Variants in PMM1 observed in about 807,000 individuals in gnomAD.
The protein encoded by PMM1 is phosphomannomutase 1, also known as brain glucose-1,6-bisphosphatase.
PMM1 carries 25 observed loss-of-function variants against 34.0 expected under a neutral mutation model. The ratio of observed to expected loss-of-function variants is 0.73; its 90% CI spans 0.54 to 1.03. The LOEUF (loss-of-function observed/expected upper bound fraction) is 1.03, where lower values mean the gene tolerates loss of function less well. Among genes scored for constraint, PMM1 ranks in the 50% least tolerant of loss-of-function variants. The probability of loss-of-function intolerance (pLI) is 0.00; values close to 1 mark genes in which losing one functional copy is unlikely to be tolerated. For missense variants in PMM1, 321 were observed against 350.1 expected (o/e 0.92, Z 0.66); for synonymous variants, 134 against 143.9 (o/e 0.93, Z 0.49).
chr22:41,583,575 A>G (rs1205533443), intron 5 of PMM1, among the ~76,000 whole-genome samples: 1 of 151,944 alleles, frequency 6.6e-6, no homozygotes, highest in Non-Finnish European at 1.5e-5. Context: ...CAGAGAGGAA[A>G]GTTGGGGCAG....
chr22:41,577,129 G>A lies in PMM1; in HGVS notation c.*189C>T. 4.2e-6 allele frequency: 3 copies of A among 717,684 alleles called. No individual in the cohort carries two copies. Among genetic ancestry groups the A allele is most frequent in the South Asian group, 1.7e-5 (1 of 59,342 alleles). The allele number at this position is 717,684 out of a possible 1,614,324, so 44.5% of individuals were successfully genotyped here. Reference sequence around the variant, plus strand: ...GGAACACTCTGGGCCCTGGGAGGACGAAGCCAGTGCCACTAGGAGCAGACT... The same window carrying A: ...GGAACACTCTGGGCCCTGGGAGGACAAAGCCAGTGCCACTAGGAGCAGACT... On this transcript the variant is annotated 3_prime_UTR_variant, in exon 8 of 8. Coordinates refer to ENST00000216259, the MANE Select transcript of PMM1 (RefSeq NM_002676.3).
chr22:41,589,834 C>A lies in PMM1; in HGVS notation c.-29G>T. 1 of 1,564,326 alleles carries A rather than the reference C, an allele frequency of 6.4e-7. No individual in the cohort carries two copies. The highest frequency in any genetic ancestry group is 8.7e-7 in the Non-Finnish European group (1 of 1,149,562). On this transcript the variant is annotated 5_prime_UTR_variant, in exon 1 of 8. Transcript: ENST00000216259. ...TGCAGGTCCGCGCGCGGGGCGGAGT[C>A]CCGAAGATGCAACGGCAGAAGCAGC... is the stretch of plus-strand genomic sequence containing the variant.
intron 5 of PMM1, 40 bp downstream of exon 5, chr22:41,583,919 C>A: frequency 8.2e-7 from 1 of 1,214,308 alleles, no homozygotes; most frequent in African/African-American, 1.5e-5. Context: ...AATTGAGTGA[C>A]TGAGGCCCTA....
intron 5 of PMM1, among the ~76,000 whole-genome samples, chr22:41,583,204 G>A (rs927565612): frequency 5.3e-5 from 8 of 152,194 alleles, no homozygotes; most frequent in Non-Finnish European, 8.8e-5. Context: ...AATGGGCTGT[G>A]CGTGGTGGCT....
rs752060841 is a variant in PMM1, at chr22:41,589,737, G to T, written c.69C>A (p.Thr23=). ...RVLCLFDVDG[T]LTPARQKIDP... ...GTCCTACCTGGCGAGCCGGCGTGAGGGTCCCGTCCACGTCAAACAGGCAGA... is the reference window on the plus strand; with the variant it reads ...GTCCTACCTGGCGAGCCGGCGTGAGTGTCCCGTCCACGTCAAACAGGCAGA... Residue 23 remains threonine, a synonymous_variant, in exon 1 of 8, where the codon ACC becomes ACA. Coordinates refer to ENST00000216259, the MANE Select transcript of PMM1 (RefSeq NM_002676.3). 1.9e-6 allele frequency: 3 copies of T among 1,611,864 alleles called. No homozygotes were observed. The highest frequency in any genetic ancestry group is 1.7e-6 in the Non-Finnish European group (2 of 1,179,502).
chr22:41,577,187 C>T lies in PMM1; in HGVS notation c.*131G>A, dbSNP rs2067183145. 1 of 1,231,244 alleles carries T rather than the reference C, an allele frequency of 8.1e-7. No individual in the cohort carries two copies. The highest frequency in any genetic ancestry group is 1.2e-6 in the Non-Finnish European group (1 of 851,410). The allele number at this position is 1,231,244 out of a possible 1,614,324, so 76.3% of individuals were successfully genotyped here. On this transcript the variant is annotated 3_prime_UTR_variant, in exon 8 of 8. Transcript: ENST00000216259. Reference sequence around the variant, plus strand: ...GACGGTTGTCCACACAGACTCTGGCCCCATCTGGGTGGGCTTGCAGCAGGC... The same window carrying T: ...GACGGTTGTCCACACAGACTCTGGCTCCATCTGGGTGGGCTTGCAGCAGGC...
Position 41,577,257 on chromosome 22 carries a change from A to G in PMM1, c.*61T>C. ...GCCCTGGCATCTATCCAACACCAGG[A>G]CCTCTCTTTAGGCCTAGGCCAAACT... is the stretch of plus-strand genomic sequence containing the variant. On this transcript the variant is annotated 3_prime_UTR_variant, in exon 8 of 8. Coordinates refer to ENST00000216259, the MANE Select transcript of PMM1 (RefSeq NM_002676.3). 1 of 1,605,840 alleles carries G rather than the reference A, an allele frequency of 6.2e-7. No individual in the cohort carries two copies. Among genetic ancestry groups the G allele is most frequent in the Non-Finnish European group, 8.5e-7 (1 of 1,176,702 alleles).
At chr22:41,586,756 G>T (rs970916909) in intron 1 of PMM1, among the ~76,000 whole-genome samples, 1 of 150,932 alleles carries the variant, frequency 6.6e-6, no homozygotes, top group South Asian at 2.1e-4. Context: ...TGATCCATCC[G>T]CCTGGGCCTC....
intron 6 of PMM1, 72 bp from the exon 7 acceptor site, chr22:41,577,995 T>C (rs559357324): frequency 9.3e-7 from 1 of 1,077,154 alleles, no homozygotes; most frequent in South Asian, 1.3e-5. Flanking sequence ...GGCTGCTTGT[T>C]CATTCATTCA....
chr22:41,578,340 T>C (rs2067199604), intron 6 of PMM1, among the ~76,000 whole-genome samples: 1 of 152,002 alleles, frequency 6.6e-6, no homozygotes, highest in African/African-American at 2.4e-5. Context: ...GGGAGGACTT[T>C]GGGCAGAGGC....
intron 5 of PMM1, among the ~76,000 whole-genome samples, chr22:41,582,378 G>A (rs2067257292): frequency 6.6e-6 from 1 of 152,086 alleles, no homozygotes; most frequent in African/African-American, 2.4e-5. Flanking sequence ...AGGATCGCTT[G>A]AGCCTGAGAG....
At chr22:41,578,080 T>C (rs12166786) in intron 6 of PMM1, among the ~76,000 whole-genome samples, 157 bp from the exon 7 acceptor site, 1 of 152,286 alleles carries the variant, frequency 6.6e-6, no homozygotes, top group Admixed American at 6.5e-5. Flanking sequence ...AAGGAAGTTA[T>C]GACACAGGTT....
chr22:41,588,218 TTTTTG>T (rs1320530182), intron 1 of PMM1, among the ~76,000 whole-genome samples: 2 of 152,056 alleles, frequency 1.3e-5, no homozygotes, highest in African/African-American at 4.8e-5. Context: ...GCCCATCTAC[TTTTTG>T]TTTTGTTTTG....
chr22:41,580,471 A>T lies in PMM1; in HGVS notation c.475-1590T>A, dbSNP rs2067233175. ...GTGGGGTCCATGTGCCACCTCATCC[A>T]GTGCTCATGACAGCCCATGGGATGG... On this transcript the variant is annotated intron_variant, in intron 5 of 7. Coordinates refer to ENST00000216259, the MANE Select transcript of PMM1 (RefSeq NM_002676.3). 4 of 152,200 alleles carry T rather than the reference A, an allele frequency of 2.6e-5. No homozygotes were observed. In the South Asian group the frequency reaches 8.3e-4, roughly 31 times the overall value. The allele number at this position is 152,200 out of a possible 1,614,324, so 9.4% of individuals were successfully genotyped here.
rs374149218 is a variant in PMM1, at chr22:41,587,265, G to A, written c.88-1072C>T. 7.0e-5 allele frequency among the ~76,000 whole-genome samples: 10 copies of A among 142,522 alleles called. No individual in the cohort carries two copies. In the East Asian group the frequency reaches 1.7e-3, roughly 24 times the overall value. The allele number at this position is 142,522 out of a possible 152,430, so 93.5% of individuals were successfully genotyped here. ...AGCCTGGGCGACAGAGCGAGACTCCGTCTCAAAAAAAAAAAGAAAAAAAAA... is the reference window on the plus strand; with the variant it reads ...AGCCTGGGCGACAGAGCGAGACTCCATCTCAAAAAAAAAAAGAAAAAAAAA... On this transcript the variant is annotated intron_variant, in intron 1 of 7. Transcript: ENST00000216259.
chr22:41,583,042 G>A (rs1057393797), intron 5 of PMM1, among the ~76,000 whole-genome samples: 16 of 152,102 alleles, frequency 1.1e-4, no homozygotes, highest in African/African-American at 4.8e-5. Flanking sequence ...AAGGAGACGC[G>A]GAGAGCCAGA....
At chr22:41,577,480 G>A in intron 7 of PMM1, 40 bp from the exon 8 acceptor site, 10 of 1,585,794 alleles carry the variant, frequency 6.3e-6, no homozygotes, top group Non-Finnish European at 7.7e-6. Flanking sequence ...TATTTAGGTG[G>A]AGTCCCTCTC....
chr22:41,578,761 G>A (rs1165087459), intron 6 of PMM1, 45 bp downstream of exon 6: 1 of 1,521,826 alleles, frequency 6.6e-7, no homozygotes, highest in Non-Finnish European at 9.1e-7. Context: ...GTTTGAGGAG[G>A]GGCCCTGTAC....
At position 41,584,413 on chromosome 22, in the gene PMM1, C is replaced by T. The variant is rs755818791; in HGVS notation, c.283-41G>A. 5 of 1,595,882 alleles carry T rather than the reference C, an allele frequency of 3.1e-6. No individual in the cohort carries two copies. In the African/African-American group the frequency reaches 4.0e-5, roughly 13 times the overall value. The stretch of plus-strand genomic sequence containing the variant: ...AGGGCTCTGAGCGTGGCCTGGGCTG[C>T]CTGACCCTGAGACAGGCACAGTGTC... On this transcript the variant is annotated intron_variant, in intron 3 of 7. Transcript: ENST00000216259.
Sources: gnomAD v4.1 joint callset for allele counts (sites outside exome capture counted in the v4.1 genomes callset) on GRCh38, gnomAD v4.1.1 for gene constraint, MANE v1.5 for transcripts, NCBI Gene and HGNC (gene_info 2026-07-23, HGNC 2026-07-21) for gene names.